Variants in OLFM3 observed in about 807,000 individuals in gnomAD.
OLFM3 encodes the protein olfactomedin 3, also known as noelin-3.
In OLFM3, 20 loss-of-function variants were observed where a neutral mutation model predicts 48.6. The observed-to-expected ratio is 0.41, with a 90% confidence interval of 0.29 to 0.60. The LOEUF is 0.60. OLFM3 is among the 20% of genes least tolerant of loss of function. OLFM3 has a pLI of 0.28. For synonymous variants in OLFM3, 222 were observed against 198.1 expected (o/e 1.12, Z -1.01); for missense variants, 437 against 544.3 (o/e 0.80, Z 1.96).
chr1:101,893,517 CA>C (rs970832167), intron 1 of OLFM3: 14 of 284,524 alleles, frequency 4.9e-5, no homozygotes, highest in African/African-American at 1.4e-4. Flanking sequence ...TGAAAGAGAC[CA>C]AAAACCAGGA....
intron 1 of OLFM3, among the ~76,000 whole-genome samples, chr1:101,869,722 G>A (rs896960412): frequency 2.6e-5 from 4 of 152,150 alleles, no homozygotes; most frequent in Non-Finnish European, 5.9e-5. Context: ...GACCCAGTGG[G>A]AGGTAATTGA....
At chr1:101,917,731 T>G (rs1269291965) in intron 1 of OLFM3, among the ~76,000 whole-genome samples, 1 of 152,228 alleles carries the variant, frequency 6.6e-6, no homozygotes, top group East Asian at 1.9e-4. Flanking sequence ...AACACTATAT[T>G]TTATAAATCA....
chr1:101,944,107 C>A (rs1659881907), intron 1 of OLFM3, among the ~76,000 whole-genome samples: 1 of 150,854 alleles, frequency 6.6e-6, no homozygotes, highest in South Asian at 2.1e-4. Context: ...ACATACATAG[C>A]AGTAACTAGA....
intron 1 of OLFM3, among the ~76,000 whole-genome samples, chr1:101,901,794 T>C (rs1346042802): frequency 1.3e-5 from 2 of 152,084 alleles, no homozygotes; most frequent in African/African-American, 4.8e-5. Flanking sequence ...GGTACTTCAA[T>C]AGAAACAGGA....
At chr1:101,910,382 C>G (rs2339117) in intron 1 of OLFM3, among the ~76,000 whole-genome samples, 55 of 151,018 alleles carry the variant, frequency 3.6e-4, no homozygotes, top group Admixed American at 1.1e-3. Flanking sequence ...CAGAGAATGG[C>G]GTGAACCCGG....
At chr1:101,965,138 A>G (rs992396300) in intron 1 of OLFM3, among the ~76,000 whole-genome samples, 3 of 152,198 alleles carry the variant, frequency 2.0e-5, no homozygotes, top group Non-Finnish European at 4.4e-5. Flanking sequence ...GACCCCAGGA[A>G]AATACAGAAG....
chr1:101,900,545 G>A lies in OLFM3; in HGVS notation c.70-63520C>T, dbSNP rs11808774. On this transcript the variant is annotated intron_variant, in intron 1 of 5. Transcript: ENST00000370103. Reference sequence around the variant, plus strand: ...AAATTGGCTATTGGAGATAAAGAGAGACAAGCTAATTTAGTGTAAAGGCAA... The same window carrying A: ...AAATTGGCTATTGGAGATAAAGAGAAACAAGCTAATTTAGTGTAAAGGCAA... Among the ~76,000 whole-genome samples the A allele has an allele frequency of 8.4e-3, 1,275 of 152,194 alleles. 19 individuals are homozygous for A. Among genetic ancestry groups the A allele is most frequent in the African/African-American group, 0.029 (1,201 of 41,526 alleles).
At chr1:101,958,488 G>C (rs1660366115) in intron 1 of OLFM3, among the ~76,000 whole-genome samples, 1 of 152,006 alleles carries the variant, frequency 6.6e-6, no homozygotes, top group South Asian at 2.1e-4. Context: ...CACTATTTGA[G>C]AGTTCTGTCT....
At chr1:101,939,192 A>G (rs1484848467) in intron 1 of OLFM3, among the ~76,000 whole-genome samples, 5 of 152,218 alleles carry the variant, frequency 3.3e-5, no homozygotes, top group African/African-American at 4.8e-5. Flanking sequence ...ACTAAACTTC[A>G]TAAGTTTTAT....
intron 1 of OLFM3, among the ~76,000 whole-genome samples, chr1:101,925,218 G>C (rs1659233268): frequency 1.3e-5 from 2 of 151,842 alleles, no homozygotes; most frequent in South Asian, 2.1e-4. Context: ...TAGATAGATG[G>C]AAGGCAGTCA....
chr1:101,828,617 C>T (rs76374953), intron 3 of OLFM3, among the ~76,000 whole-genome samples: 1,564 of 152,264 alleles, frequency 0.01, 15 homozygotes, highest in Non-Finnish European at 0.014. Context: ...TTCTTAGTTT[C>T]CTGTCTTCTC....
intron 1 of OLFM3, among the ~76,000 whole-genome samples, chr1:101,929,683 G>T (rs1330761184): frequency 6.6e-6 from 1 of 152,048 alleles, no homozygotes; most frequent in Non-Finnish European, 1.5e-5. Context: ...TAATAGTCCA[G>T]TTCAAACTTT....
intron 1 of OLFM3, among the ~76,000 whole-genome samples, chr1:101,959,050 G>A (rs12131161): frequency 2.6e-5 from 4 of 150,952 alleles, no homozygotes; most frequent in East Asian, 2.0e-4. Context: ...CCCATTCCCC[G>A]CTTCCCACCC....
rs1319521953 is a variant in OLFM3, at chr1:101,806,075, C to T, written c.699+1G>A. 6.2e-7 allele frequency: 1 copy of T among 1,606,956 alleles called. No individual in the cohort carries two copies. Among genetic ancestry groups the T allele is most frequent in the Admixed American group, 1.7e-5 (1 of 59,740 alleles). On this transcript the variant is annotated splice_donor_variant, in intron 5 of 5. Transcript: ENST00000370103. LOFTEE classifies it high-confidence loss of function. ...CAAAGGTGTTTGTGGGAGAAACATACTCTGTTGTTTTTCTCAGATGCTAAA... is the reference window on the plus strand; with the variant it reads ...CAAAGGTGTTTGTGGGAGAAACATATTCTGTTGTTTTTCTCAGATGCTAAA...
intron 1 of OLFM3, among the ~76,000 whole-genome samples, chr1:101,975,650 A>G (rs1215476207): frequency 6.6e-6 from 1 of 152,172 alleles, no homozygotes; most frequent in Non-Finnish European, 1.5e-5. Flanking sequence ...ACAGAAAGGT[A>G]TTATTATTAA....
intron 2 of OLFM3, among the ~76,000 whole-genome samples, chr1:101,834,444 G>A (rs1261389335): frequency 6.6e-6 from 1 of 152,134 alleles, no homozygotes; most frequent in African/African-American, 2.4e-5. Context: ...TTGGTTAAAA[G>A]TGAAGGAGGT....
intron 1 of OLFM3, among the ~76,000 whole-genome samples, chr1:101,970,148 T>G (rs1660740373): frequency 6.6e-6 from 1 of 152,048 alleles, no homozygotes; most frequent in Admixed American, 6.6e-5. Context: ...CCCTAGTAAC[T>G]GGGACTACAG....
chr1:101,902,989 T>C (rs1658437271), intron 1 of OLFM3, among the ~76,000 whole-genome samples: 1 of 152,040 alleles, frequency 6.6e-6, no homozygotes, highest in African/African-American at 2.4e-5. Flanking sequence ...ATAAAAGGGA[T>C]TTTTCCAGCA....
intron 4 of OLFM3, chr1:101,813,081 A>G (rs1246535054): frequency 7.8e-7 from 1 of 1,285,822 alleles, no homozygotes; most frequent in Non-Finnish European, 1.0e-6. Context: ...GCTTCCCAAA[A>G]TACTATTGCT....
Sources: gnomAD v4.1 joint callset for allele counts (sites outside exome capture counted in the v4.1 genomes callset) on GRCh38, gnomAD v4.1.1 for gene constraint, MANE v1.5 for transcripts, NCBI Gene and HGNC (gene_info 2026-07-23, HGNC 2026-07-21) for gene names.